The following NAV2 variants were observed in gnomAD, a reference collection of about 807,000 sequenced individuals.
The protein encoded by NAV2 is helicase, APC down-regulated 1.
NAV2 carries 54 observed loss-of-function variants against 223.2 expected under a neutral mutation model. That is an observed-to-expected ratio of 0.24 (90% CI 0.19 to 0.30). The LOEUF (loss-of-function observed/expected upper bound fraction) is 0.30, where lower values mean the gene tolerates loss of function less well. Among genes scored for constraint, NAV2 ranks in the 10% least tolerant of loss-of-function variants. The pLI is 1.00. For missense variants in NAV2, 2,806 were observed against 3,147.5 expected (o/e 0.89, Z 2.60); for synonymous variants, 1,279 against 1,239.3 (o/e 1.03, Z -0.67).
At chr11:19,624,811 T>A (rs1159308609) in intron 1 of NAV2, among the ~76,000 whole-genome samples, 4 of 152,188 alleles carry the variant, frequency 2.6e-5, no homozygotes, top group Non-Finnish European at 5.9e-5. Context: ...GGTACCTCAG[T>A]TGGAAATGCA....
intron 1 of NAV2, among the ~76,000 whole-genome samples, chr11:19,626,358 G>T (rs1303233941): frequency 6.6e-6 from 1 of 152,122 alleles, no homozygotes; most frequent in Non-Finnish European, 1.5e-5. Context: ...GTTAATTTCT[G>T]GGTTCTCTAT....
At chr11:19,991,157 C>G (rs2051293119) in intron 11 of NAV2, among the ~76,000 whole-genome samples, 1 of 152,226 alleles carries the variant, frequency 6.6e-6, no homozygotes, top group Non-Finnish European at 1.5e-5. Flanking sequence ...CAGTGTTTCA[C>G]TGGCCCCATC....
At chr11:19,378,900 G>A (rs1844215412) in intron 1 of NAV2, among the ~76,000 whole-genome samples, 1 of 152,196 alleles carries the variant, frequency 6.6e-6, no homozygotes, top group Admixed American at 6.5e-5. Flanking sequence ...TCCCACCCCA[G>A]GCTCGGTGCT....
intron 5 of NAV2, chr11:19,884,261 A>T: frequency 6.6e-7 from 1 of 1,520,440 alleles, no homozygotes; most frequent in Non-Finnish European, 9.1e-7. Flanking sequence ...CTCCTCATTC[A>T]GCTCTTCCAC....
intron 10 of NAV2, among the ~76,000 whole-genome samples, chr11:19,964,313 A>G (rs2048574155): frequency 6.6e-6 from 1 of 152,160 alleles, no homozygotes; most frequent in Non-Finnish European, 1.5e-5. Context: ...AACAGCTTTC[A>G]TTTAATGCCC....
At chr11:19,741,687 GTATATATA>G (rs1156844957) in intron 1 of NAV2, among the ~76,000 whole-genome samples, 476 of 21,026 alleles carry the variant, frequency 0.023, 3 homozygotes, top group African/African-American at 0.026. Flanking sequence ...GTGTGTGTGT[GTATATATA>G]TATATATATA....
intron 1 of NAV2, among the ~76,000 whole-genome samples, chr11:19,768,224 G>A (rs1461756233): frequency 6.6e-6 from 1 of 152,186 alleles, no homozygotes; most frequent in Non-Finnish European, 1.5e-5. Context: ...CTGAAGGGCA[G>A]GCTGTTTTTT....
At chr11:19,651,330 A>T (rs563468184) in intron 1 of NAV2, among the ~76,000 whole-genome samples, 1 of 152,332 alleles carries the variant, frequency 6.6e-6, no homozygotes, top group South Asian at 2.1e-4. Flanking sequence ...AGCATTTTCA[A>T]CCTGCTAGGC....
At position 19,417,353 on chromosome 11, in the gene NAV2, A is replaced by G. The variant is rs543261215; in HGVS notation, c.75+66326A>G. Among the ~76,000 whole-genome samples the G allele has an allele frequency of 2.6e-5, 4 of 152,374 alleles. 1 individual carries two copies. In the South Asian group the frequency reaches 6.2e-4, roughly 24 times the overall value. ...AAAAACACATGGAAAAAAGCTCATC[A>G]TCACTGATAATTAGAGAAATGCAAA... On this transcript the variant is annotated intron_variant, in intron 1 of 37. Coordinates refer to the NAV2 transcript ENST00000360655.
At chr11:19,768,129 T>C (rs1306259022) in intron 1 of NAV2, among the ~76,000 whole-genome samples, 3 of 152,228 alleles carry the variant, frequency 2.0e-5, no homozygotes, top group African/African-American at 7.2e-5. Context: ...TGGAACTTCT[T>C]CATCCGGGAT....
intron 1 of NAV2, among the ~76,000 whole-genome samples, chr11:19,619,818 G>C (rs1420080328): frequency 6.6e-6 from 1 of 152,148 alleles, no homozygotes; most frequent in Admixed American, 6.5e-5. Context: ...TGGTGTTTTA[G>C]TCATGAAGTC....
intron 1 of NAV2, among the ~76,000 whole-genome samples, chr11:19,647,719 G>A (rs921816354): frequency 2.6e-5 from 4 of 152,110 alleles, no homozygotes; most frequent in Admixed American, 6.6e-5. Flanking sequence ...TGGAGTAGAG[G>A]GAGAAAGTCA....
At chr11:19,957,970 G>A (rs761405599) in intron 10 of NAV2, among the ~76,000 whole-genome samples, 6 of 152,174 alleles carry the variant, frequency 3.9e-5, no homozygotes, top group Non-Finnish European at 7.3e-5. Flanking sequence ...GATTTCTTGG[G>A]AATTTCCTAA....
intron 1 of NAV2, among the ~76,000 whole-genome samples, chr11:19,729,092 A>C (rs536320249): frequency 6.6e-6 from 1 of 152,160 alleles, no homozygotes; most frequent in East Asian, 1.9e-4. Flanking sequence ...CCAAGAATTC[A>C]TATCTTTGAA....
rs146478122 is a variant in NAV2 at position 19,692,576 on chromosome 11, G to T, written c.76-139908G>T. On this transcript the variant is annotated intron_variant, in intron 1 of 37. Coordinates refer to the NAV2 transcript ENST00000360655. ...GTTGTTGCAAATCCTTCTAATCTTG[G>T]ATTGAGTTTTTCCTACCTTAGTAAG... Among the ~76,000 whole-genome samples the T allele has an allele frequency of 2.5e-3, 379 of 152,248 alleles. 1 individual carries two copies. Among genetic ancestry groups the T allele is most frequent in the African/African-American group, 8.9e-3 (368 of 41,540 alleles).
At chr11:19,816,526 T>G (rs1231712236) in intron 1 of NAV2, among the ~76,000 whole-genome samples, 1 of 152,238 alleles carries the variant, frequency 6.6e-6, no homozygotes, top group Non-Finnish European at 1.5e-5. Context: ...CATTTTTTCC[T>G]CATTCAATTC....
At chr11:19,954,122 G>GAGGC (rs1414290767) in intron 10 of NAV2, among the ~76,000 whole-genome samples, 1 of 152,214 alleles carries the variant, frequency 6.6e-6, no homozygotes, top group Non-Finnish European at 1.5e-5. Context: ...GTGGTTGATA[G>GAGGC]AGGCTGTGGT....
At chr11:19,994,570 G>T (rs1353754223) in intron 11 of NAV2, among the ~76,000 whole-genome samples, 1 of 146,340 alleles carries the variant, frequency 6.8e-6, no homozygotes, top group Non-Finnish European at 1.5e-5. Flanking sequence ...AAAAAAAAAA[G>T]AGTAAAAAAA....
At chr11:19,827,047 T>G (rs2059674102) in intron 1 of NAV2, among the ~76,000 whole-genome samples, 1 of 152,024 alleles carries the variant, frequency 6.6e-6, no homozygotes, top group African/African-American at 2.4e-5. Context: ...TAAGAGGGAC[T>G]TGATGGGGGA....
Sources: allele counts gnomAD v4.1 joint callset (sites outside exome capture counted in the v4.1 genomes callset), GRCh38; gene constraint gnomAD v4.1.1; transcripts MANE v1.5; gene names NCBI Gene and HGNC (gene_info 2026-07-23, HGNC 2026-07-21).